The following SSRP1 variants were observed in gnomAD, a reference collection of about 807,000 sequenced individuals.
The protein encoded by SSRP1 is structure specific recognition protein 1, also known as FACT complex subunit SSRP1.
In SSRP1, 21 loss-of-function variants were observed where a neutral mutation model predicts 84.4. That is an observed-to-expected ratio of 0.25 (90% CI 0.18 to 0.36). The LOEUF (loss-of-function observed/expected upper bound fraction) is 0.36. Ranked by LOEUF, SSRP1 falls within the 10% of genes least tolerant of loss-of-function variation. SSRP1 has a pLI of 1.00. For synonymous variants in SSRP1, 319 were observed against 318.3 expected, an observed-to-expected ratio of 1.00 and a Z score of -0.02; for missense variants, 519 against 900.8, an observed-to-expected ratio of 0.58 and a Z score of 5.43.
chr11:57,330,083 C>T lies in SSRP1; in HGVS notation c.1481+10G>A. ...CCATCTTATCCCCACAAGGTACCAC[C>T]AAAACTCACTCCTCTGCCACATCTT... On this transcript the variant is annotated intron_variant, in intron 12 of 16. Coordinates refer to ENST00000278412, the MANE Select transcript of SSRP1 (RefSeq NM_003146.3). The surrounding 1 kb of genome is among the most constrained non-coding windows in gnomAD (Gnocchi z 4.0). 6.2e-7 allele frequency: 1 copy of T among 1,614,184 alleles called. No individual in the cohort carries two copies. The highest frequency in any genetic ancestry group is 8.5e-7 in the Non-Finnish European group (1 of 1,180,040).
chr11:57,332,889 G>A lies in SSRP1; in HGVS notation c.538-34C>T. The stretch of plus-strand genomic sequence containing the variant: ...GCACATATTGGTAGCCAAGCAGCAG[G>A]CCCTGCTCCCAGGCCAGCCAATGCC... On this transcript the variant is annotated intron_variant, in intron 5 of 16. Coordinates refer to ENST00000278412, the MANE Select transcript of SSRP1 (RefSeq NM_003146.3). This position sits in a 1 kb window ranked among gnomAD's most constrained non-coding sequence, Gnocchi z 5.5. 1 of 1,599,512 alleles carries A rather than the reference G, an allele frequency of 6.3e-7. No homozygotes were observed. The highest frequency in any genetic ancestry group is 8.5e-7 in the Non-Finnish European group (1 of 1,170,526).
chr11:57,327,170 A>G, intron 15 of SSRP1: 2 of 657,410 alleles, frequency 3.0e-6, no homozygotes, highest in South Asian at 2.0e-5. Flanking sequence ...TGCACTCCAT[A>G]ATAGTATTTT....
chr11:57,327,910 T>G (rs1856016507), intron 13 of SSRP1, 28 bp from the exon 14 acceptor site: 1 of 1,606,738 alleles, frequency 6.2e-7, no homozygotes, highest in Non-Finnish European at 8.5e-7. Context: ...TGCCTTCAGC[T>G]ATTTCCCACA....
chr11:57,327,396 C>A, intron 15 of SSRP1, 30 bp downstream of exon 15: 1 of 1,588,074 alleles, frequency 6.3e-7, no homozygotes, highest in Non-Finnish European at 8.6e-7. Flanking sequence ...CCACAAAAAT[C>A]AGTGACTGGG....
chr11:57,333,638 C>CA (rs879733365), intron 3 of SSRP1, 98 bp from the exon 4 acceptor site: 39 of 850,858 alleles, frequency 4.6e-5, no homozygotes, highest in Admixed American at 3.1e-4. Context: ...GAAACTGCCC[C>CA]AAATAGGCTT....
intron 2 of SSRP1, 26 bp from the exon 3 acceptor site, chr11:57,334,674 A>T (rs1435175101): frequency 6.2e-7 from 1 of 1,612,516 alleles, no homozygotes; most frequent in African/African-American, 1.3e-5. Flanking sequence ...GCCCAGATGC[A>T]TGGAGACAGT....
At chr11:57,328,066 C>T in intron 13 of SSRP1, 184 bp from the exon 14 acceptor site, 1 of 954,764 alleles carries the variant, frequency 1.0e-6, no homozygotes. Flanking sequence ...CCTAGCTTAC[C>T]AGGACAGAAG....
chr11:57,329,692 T>C (rs912304924), intron 12 of SSRP1: 2 of 248,292 alleles, frequency 8.1e-6, no homozygotes, highest in African/African-American at 4.4e-5. Context: ...TTTCTGACAC[T>C]GCTAACAAAA....
rs1856187622 is a variant in SSRP1 at position 57,335,232 on chromosome 11, G to A, written c.-111C>T. On this transcript the variant is annotated 5_prime_UTR_variant, in exon 2 of 17. Coordinates refer to ENST00000278412, the MANE Select transcript of SSRP1 (RefSeq NM_003146.3). The surrounding 1 kb of genome is among the most constrained non-coding windows in gnomAD (Gnocchi z 4.6). ...GAGTGGGTGTGCGGATGCTCAGCAG[G>A]TTGGGAATCTGAATTCAAGAGGAAG... The A allele has an allele frequency of 3.6e-6, 4 of 1,099,498 alleles. No individual in the cohort carries two copies. The highest frequency in any genetic ancestry group is 3.4e-5 in the Admixed American group (2 of 57,980). 68.1% of individuals were successfully genotyped at this position (1,099,498 alleles called of 1,614,324 possible).
chr11:57,332,331 A>C lies in SSRP1; in HGVS notation c.873-51T>G. On this transcript the variant is annotated intron_variant, in intron 7 of 16. Coordinates refer to ENST00000278412, the MANE Select transcript of SSRP1 (RefSeq NM_003146.3). The surrounding 1 kb of genome is among the most constrained non-coding windows in gnomAD (Gnocchi z 5.5). The stretch of plus-strand genomic sequence containing the variant: ...CAACACTACTGCCTTCTAATGGCAC[A>C]CCTGTCTCCTGCCTGGACAGTGGTA... The C allele has an allele frequency of 6.2e-7, 1 of 1,613,770 alleles. No individual in the cohort carries two copies. Among genetic ancestry groups the C allele is most frequent in the East Asian group, 2.2e-5 (1 of 44,860 alleles).
In SSRP1 at chr11:57,329,898, G is replaced by T. The variant is rs1189618968; in HGVS notation, c.1481+195C>A. 1.3e-5 allele frequency: 9 copies of T among 689,936 alleles called. No individual in the cohort carries two copies. In the Admixed American group the frequency reaches 1.8e-4, roughly 14 times the overall value. 42.7% of individuals were successfully genotyped at this position (689,936 alleles called of 1,614,324 possible). A position where few individuals can be genotyped will look rare whatever the true frequency, so the allele number is the denominator to read the frequency against. ...GCCATAGATCCCACTATACTTTTCC[G>T]ACTTCAAAATATGTCTTGCACTTAC... On this transcript the variant is annotated intron_variant, in intron 12 of 16. Transcript: ENST00000278412.
chr11:57,331,124 C>A (rs1856081319), intron 9 of SSRP1, among the ~76,000 whole-genome samples, 197 bp from the exon 10 acceptor site: 1 of 152,192 alleles, frequency 6.6e-6, no homozygotes, highest in African/African-American at 2.4e-5. Context: ...CCTGAAAGAA[C>A]TGCATGGCTT....
Position 57,327,420 on chromosome 11 carries a change from A to G in SSRP1, c.1871+6T>C. The G allele has an allele frequency of 1.2e-6, 2 of 1,612,250 alleles. No homozygotes were observed. Among genetic ancestry groups the G allele is most frequent in the Non-Finnish European group, 1.7e-6 (2 of 1,179,586 alleles). ...TCAGTGACTGGGCCATGTTCTCGAC[A>G]CTCACCTCTTAGAAGACTCGCCTCG... On this transcript the variant is annotated splice_donor_region_variant and intron_variant, in intron 15 of 16. Transcript: ENST00000278412.
At chr11:57,328,250 C>T in intron 13 of SSRP1, 47 bp downstream of exon 13, 1 of 1,602,872 alleles carries the variant, frequency 6.2e-7, no homozygotes, top group Non-Finnish European at 8.5e-7. Flanking sequence ...CTCCCACGCC[C>T]CCCACCCACT....
At position 57,330,823 on chromosome 11, in the gene SSRP1, G is replaced by T; in HGVS notation, c.1296+32C>A. The T allele has an allele frequency of 6.2e-7, 1 of 1,614,094 alleles. No homozygotes were observed. Among genetic ancestry groups the T allele is most frequent in the Non-Finnish European group, 8.5e-7 (1 of 1,179,968 alleles). ...CCTTTCTCCCCTATAGAAAGACCAGGAGAGGGTCTCATCCTCCCCACACAG... is the reference window on the plus strand; with the variant it reads ...CCTTTCTCCCCTATAGAAAGACCAGTAGAGGGTCTCATCCTCCCCACACAG... On this transcript the variant is annotated intron_variant, in intron 10 of 16. Transcript: ENST00000278412. This position sits in a 1 kb window ranked among gnomAD's most constrained non-coding sequence, Gnocchi z 4.0.
At chr11:57,334,193 G>A (rs969369935) in intron 3 of SSRP1, among the ~76,000 whole-genome samples, 2 of 152,128 alleles carry the variant, frequency 1.3e-5, no homozygotes, top group African/African-American at 4.8e-5. Context: ...AAGAAATCAA[G>A]CTAAGATTCT....
intron 9 of SSRP1, 83 bp from the exon 10 acceptor site, chr11:57,331,010 G>A (rs1306544870): frequency 1.7e-5 from 25 of 1,489,584 alleles, no homozygotes; most frequent in Non-Finnish European, 2.3e-5. Flanking sequence ...TCCATGAGCT[G>A]GGGTAGACTG....
chr11:57,332,887 A>C lies in SSRP1; in HGVS notation c.538-32T>G, dbSNP rs1310662003. 3 of 1,600,232 alleles carry C rather than the reference A, an allele frequency of 1.9e-6. No homozygotes were observed. The Admixed American group carries it at 5.0e-5, about 27-fold the overall frequency. ...AAGCACATATTGGTAGCCAAGCAGC[A>C]GGCCCTGCTCCCAGGCCAGCCAATG... On this transcript the variant is annotated intron_variant, in intron 5 of 16. Coordinates refer to ENST00000278412, the MANE Select transcript of SSRP1 (RefSeq NM_003146.3). The surrounding 1 kb of genome is among the most constrained non-coding windows in gnomAD (Gnocchi z 5.5).
At position 57,326,381 on chromosome 11, in the gene SSRP1, A is replaced by G. The variant is rs1855979982; in HGVS notation, c.*26T>C. On this transcript the variant is annotated 3_prime_UTR_variant, in exon 17 of 17. Coordinates refer to ENST00000278412, the MANE Select transcript of SSRP1 (RefSeq NM_003146.3). ...GGGAGTCGGGGGGTGTGAGAAGGCA[A>G]GCGCAAAGAGAACCTTCCTCCGTTT... is the stretch of plus-strand genomic sequence containing the variant. 6.2e-7 allele frequency: 1 copy of G among 1,611,842 alleles called. No homozygotes were observed. The highest frequency in any genetic ancestry group is 8.5e-7 in the Non-Finnish European group (1 of 1,178,104).
Sources: allele counts gnomAD v4.1 joint callset (sites outside exome capture counted in the v4.1 genomes callset), GRCh38; gene constraint gnomAD v4.1.1; non-coding constraint Gnocchi (gnomAD v3.1); transcripts MANE v1.5; gene names NCBI Gene and HGNC (gene_info 2026-07-23, HGNC 2026-07-21).